Variants in SORD observed in about 807,000 individuals in gnomAD.
SORD encodes sorbitol dehydrogenase.
A neutral mutation model predicts 35.6 loss-of-function variants in SORD; 18 were observed. The ratio of observed to expected loss-of-function variants is 0.51; its 90% CI spans 0.35 to 0.75. SORD has a LOEUF of 0.75. Ranked by LOEUF, SORD falls within the 30% of genes least tolerant of loss-of-function variation. The probability of loss-of-function intolerance (pLI) is 0.01; values close to 1 mark genes in which losing one functional copy is unlikely to be tolerated. For missense variants in SORD, 250 were observed against 390.2 expected, an observed-to-expected ratio of 0.64 and a Z score of 3.03; for synonymous variants, 106 against 152.9, an observed-to-expected ratio of 0.69 and a Z score of 2.26.
intron 1 of SORD, among the ~76,000 whole-genome samples, chr15:45,031,482 G>C (rs951658303): frequency 6.6e-6 from 1 of 152,254 alleles, no homozygotes; most frequent in African/African-American, 2.4e-5. Context: ...GCCTCTGTTC[G>C]TGAGGAGGCC....
intron 1 of SORD, among the ~76,000 whole-genome samples, chr15:45,037,918 T>C (rs1365366762): frequency 2.6e-5 from 4 of 151,270 alleles, no homozygotes; most frequent in Admixed American, 6.6e-5. Context: ...TGTATACTTA[T>C]GTAACAAACC....
chr15:45,029,561 T>G (rs80303392), intron 1 of SORD, among the ~76,000 whole-genome samples: 31,192 of 150,796 alleles, frequency 0.21, no homozygotes, highest in African/African-American at 0.44. Context: ...TGCTCCTTTA[T>G]TTCCACCGTC....
chr15:45,026,504 T>A (rs1892670830), intron 1 of SORD, among the ~76,000 whole-genome samples: 2 of 152,144 alleles, frequency 1.3e-5, no homozygotes, highest in South Asian at 4.1e-4. Context: ...ACCCTTCCAT[T>A]TCTGGCTGGC....
chr15:45,063,459 G>A (rs1457748694), intron 4 of SORD, among the ~76,000 whole-genome samples: 2 of 151,718 alleles, frequency 1.3e-5, no homozygotes, highest in South Asian at 2.1e-4. Flanking sequence ...GACAAGATTG[G>A]GGAGGGTGGA....
intron 3 of SORD, among the ~76,000 whole-genome samples, chr15:45,049,147 A>G (rs1358591735): frequency 6.6e-6 from 1 of 152,214 alleles, no homozygotes; most frequent in African/African-American, 2.4e-5. Flanking sequence ...CTGTGCCTGC[A>G]GCTTGATTTT....
intron 1 of SORD, among the ~76,000 whole-genome samples, chr15:45,028,699 T>C (rs1216892431): frequency 1.3e-5 from 2 of 150,588 alleles, no homozygotes; most frequent in African/African-American, 5.0e-5. Flanking sequence ...CGGAGGTCCA[T>C]GAAGATATTT....
chr15:45,055,672 G>T (rs1424471516), intron 3 of SORD, among the ~76,000 whole-genome samples: 2 of 152,216 alleles, frequency 1.3e-5, no homozygotes, highest in African/African-American at 4.8e-5. Context: ...CCAAAGCCGG[G>T]CAGAGACACA....
chr15:45,037,535 G>A (rs1006379353), intron 1 of SORD, among the ~76,000 whole-genome samples: 1 of 152,138 alleles, frequency 6.6e-6, no homozygotes, highest in East Asian at 1.9e-4. Context: ...GGAGGGTGGG[G>A]TGCTCTCCCA....
chr15:45,062,072 T>C (rs1276837066), intron 4 of SORD, among the ~76,000 whole-genome samples: 1 of 152,110 alleles, frequency 6.6e-6, no homozygotes, highest in African/African-American at 2.4e-5. Flanking sequence ...TTAAATAAGG[T>C]GATGCATGGA....
In SORD at chr15:45,068,905, C is replaced by T. The variant is rs748386504; in HGVS notation, c.639C>T (p.Ala213=). 5 of 1,556,068 alleles carry T rather than the reference C, an allele frequency of 3.2e-6. No homozygotes were observed. Among genetic ancestry groups the T allele is most frequent in the South Asian group, 2.4e-5 (2 of 85,100 alleles). ...TGTCTGCTACCCGATTGTCCAAAGC[C>T]AAGGAGATTGGGGCTGATTTAGTCC... ...TDLSATRLSK[A]KEIGADLVLQ... Residue 213 remains alanine, a synonymous_variant, in exon 7 of 9, where the codon GCC becomes GCT. Coordinates refer to ENST00000267814, the MANE Select transcript of SORD (RefSeq NM_003104.6).
chr15:45,063,866 C>T (rs1008033614), intron 4 of SORD, among the ~76,000 whole-genome samples: 4 of 150,022 alleles, frequency 2.7e-5, no homozygotes, highest in African/African-American at 7.4e-5. Context: ...GGAGTGTGAC[C>T]GCAGTCAGAG....
At chr15:45,040,374 T>A (rs753477606) in intron 1 of SORD, 34 bp from the exon 2 acceptor site, 3 of 1,245,212 alleles carry the variant, frequency 2.4e-6, no homozygotes, top group African/African-American at 3.0e-5. Flanking sequence ...TTCTTATGCA[T>A]GCTAAATGAT....
intron 7 of SORD, 135 bp downstream of exon 7, chr15:45,069,187 TCTTTTTC>T: frequency 2.4e-6 from 1 of 421,524 alleles, no homozygotes. Flanking sequence ...ATCTATGTTT[TCTTTTTC>T]TTTTTTTTTT....
rs370234225 is a variant in SORD at position 45,074,308 on chromosome 15, G to T, written c.*778G>T. 12 of 148,308 alleles carry T rather than the reference G, an allele frequency of 8.1e-5. No individual in the cohort carries two copies. The South Asian group carries it at 1.5e-3, about 18-fold the overall frequency. The allele number at this position is 148,308 out of a possible 1,614,324, so 9.2% of individuals were successfully genotyped here. On this transcript the variant is annotated 3_prime_UTR_variant, in exon 9 of 9. Transcript: ENST00000267814. ...ATGCCCCAGCCCACCCCTAAGCATG[G>T]TCCCTTGTCACCAGGCAACCAGGAA...
chr15:45,031,105 C>T (rs746546986), intron 1 of SORD, among the ~76,000 whole-genome samples: 8 of 152,210 alleles, frequency 5.3e-5, no homozygotes, highest in Non-Finnish European at 8.8e-5. Context: ...GTGGGAGGAT[C>T]ACTTGAGGCC....
chr15:45,053,103 C>T (rs749588113), intron 3 of SORD, among the ~76,000 whole-genome samples: 24 of 152,154 alleles, frequency 1.6e-4, no homozygotes, highest in Non-Finnish European at 2.6e-4. Context: ...AGAGCAAAGT[C>T]TTCTATTTGA....
At chr15:45,069,540 T>G (rs1341845183) in intron 7 of SORD, among the ~76,000 whole-genome samples, 1 of 152,120 alleles carries the variant, frequency 6.6e-6, no homozygotes, top group Non-Finnish European at 1.5e-5. Flanking sequence ...TGAACTTGCC[T>G]TACATCCTTA....
At chr15:45,064,498 C>T (rs1399006714) in intron 4 of SORD, among the ~76,000 whole-genome samples, 1 of 152,160 alleles carries the variant, frequency 6.6e-6, no homozygotes, top group African/African-American at 2.4e-5. Context: ...TTGATAGGGT[C>T]AAGATACCAG....
intron 1 of SORD, among the ~76,000 whole-genome samples, chr15:45,023,861 G>A (rs1444410523): frequency 6.6e-6 from 1 of 152,178 alleles, no homozygotes; most frequent in Non-Finnish European, 1.5e-5. Flanking sequence ...TACGTGCTCA[G>A]GAAGTGCCAG....
Sources: gnomAD v4.1 joint callset for allele counts (sites outside exome capture counted in the v4.1 genomes callset) on GRCh38, gnomAD v4.1.1 for gene constraint, MANE v1.5 for transcripts, NCBI Gene and HGNC (gene_info 2026-07-23, HGNC 2026-07-21) for gene names.